TECTA: variants seen among roughly 807,000 people sequenced by gnomAD.
TECTA encodes tectorin alpha, also known as alpha-tectorin.
In TECTA, 128 loss-of-function variants were observed where a neutral mutation model predicts 216.8. The observed-to-expected ratio is 0.59, with a 90% CI of 0.51 to 0.68. TECTA has a LOEUF of 0.68. Among genes scored for constraint, TECTA ranks in the 30% least tolerant of loss-of-function variants. TECTA has a pLI of 0.00. For synonymous variants in TECTA, 1,089 were observed against 1,117.1 expected, an observed-to-expected ratio of 0.97 and a Z score of 0.50; for missense variants, 2,551 against 2,786.2, an observed-to-expected ratio of 0.92 and a Z score of 1.90.
intron 20 of TECTA, among the ~76,000 whole-genome samples, chr11:121,173,905 C>T (rs1211170119): frequency 8.6e-5 from 13 of 151,934 alleles, no homozygotes; most frequent in African/African-American, 2.9e-4. Flanking sequence ...AGGTCCTTCA[C>T]GTCCCTTGTA....
Position 121,166,614 on chromosome 11 carries a change from A to C in TECTA, c.5420A>C (p.Lys1807Thr), listed in dbSNP as rs777254893. Residue 1807 changes from lysine (K) to threonine (T), a missense_variant, in exon 18 of 24, where the codon AAA becomes ACA. This residue lies in a region of TECTA where 2,375 missense variants were observed against 2,563.9 expected (regional missense o/e 0.93). Transcript: ENST00000392793. ...HDIIDAEVTC[K>T]AAQMEVSISK... ...ATTATCGATGCAGAGGTGACCTGCA[A>C]AGCAGCCCAAATGGAAGTGTCCATA... is the stretch of plus-strand genomic sequence containing the variant. The C allele has an allele frequency of 6.2e-7, 1 of 1,614,218 alleles. No individual in the cohort carries two copies. Among genetic ancestry groups the C allele is most frequent in the Non-Finnish European group, 8.5e-7 (1 of 1,180,038 alleles).
intron 7 of TECTA, among the ~76,000 whole-genome samples, chr11:121,119,355 C>T (rs1424105429): frequency 1.3e-5 from 2 of 152,100 alleles, no homozygotes; most frequent in Admixed American, 6.6e-5. Context: ...AGACACCCCT[C>T]GAATAGAGTC....
intron 7 of TECTA, among the ~76,000 whole-genome samples, chr11:121,122,881 G>A (rs1054416635): frequency 2.0e-5 from 3 of 151,970 alleles, no homozygotes; most frequent in African/African-American, 7.3e-5. Context: ...TAGCAGCTTT[G>A]GGTAATTGGT....
chr11:121,159,407 A>G (rs918581534), intron 14 of TECTA, among the ~76,000 whole-genome samples: 2 of 152,228 alleles, frequency 1.3e-5, no homozygotes, highest in African/African-American at 4.8e-5. Context: ...TCAAAACAGT[A>G]GAGACTCATT....
chr11:121,130,554 A>G (rs7108166), intron 10 of TECTA, among the ~76,000 whole-genome samples: 11,660 of 152,216 alleles, frequency 0.077, 494 homozygotes, highest in South Asian at 0.12. Context: ...TTGGCAAAGA[A>G]GAGCCCCATT....
At chr11:121,173,714 C>T (rs1213620346) in intron 20 of TECTA, among the ~76,000 whole-genome samples, 1 of 151,254 alleles carries the variant, frequency 6.6e-6, no homozygotes, top group Non-Finnish European at 1.5e-5. Context: ...TAGTTTTTTC[C>T]AATTCTGTGA....
intron 11 of TECTA, among the ~76,000 whole-genome samples, chr11:121,141,382 G>A (rs1402350209): frequency 6.6e-6 from 1 of 152,126 alleles, no homozygotes; most frequent in Non-Finnish European, 1.5e-5. Context: ...TGCTTCCTTG[G>A]GACACAGGGT....
Position 121,168,126 on chromosome 11 carries a change from A to T in TECTA, c.5659A>T (p.Thr1887Ser). The part of the protein sequence containing the change: ...ESANNTGNII[T>S]RDRTINVEFS... The stretch of plus-strand genomic sequence containing the variant: ...CGCCAACAACACTGGCAACATCATC[A>T]CCAGGGACCGCACGATCAATGTGGA... Residue 1887 changes from threonine to serine, a missense_variant, in exon 19 of 24, where the codon ACC becomes TCC. Thr to Ser is a moderately conservative substitution (Grantham distance 58). Coordinates refer to ENST00000392793, the MANE Select transcript of TECTA (RefSeq NM_005422.4). 6.2e-7 allele frequency: 1 copy of T among 1,614,202 alleles called. No individual in the cohort carries two copies. The highest frequency in any genetic ancestry group is 8.5e-7 in the Non-Finnish European group (1 of 1,180,042).
chr11:121,106,557 T>C (rs566438547), intron 3 of TECTA, among the ~76,000 whole-genome samples: 31 of 152,230 alleles, frequency 2.0e-4, no homozygotes, highest in Non-Finnish European at 4.3e-4. Context: ...GGTTTTTGTT[T>C]TTGGTTTTTT....
rs1055130857 is a variant in TECTA, at chr11:121,145,404, G to C, written c.3544-151G>C. 3.9e-6 allele frequency: 3 copies of C among 777,500 alleles called. No homozygotes were observed. In the African/African-American group the frequency reaches 5.1e-5, roughly 13 times the overall value. 48.2% of individuals were successfully genotyped at this position (777,500 alleles called of 1,614,324 possible). The stretch of plus-strand genomic sequence containing the variant: ...TGTTCAAATCTTAATCATAATAGTT[G>C]ACTGACATAAACAACAGTACATGCA... On this transcript the variant is annotated intron_variant, in intron 11 of 23. Coordinates refer to ENST00000392793, the MANE Select transcript of TECTA (RefSeq NM_005422.4).
At chr11:121,104,165 T>TAAATCCATGCCAGGAA (rs1946370945) in intron 2 of TECTA, among the ~76,000 whole-genome samples, 1 of 152,234 alleles carries the variant, frequency 6.6e-6, no homozygotes, top group Non-Finnish European at 1.5e-5. Context: ...CCATGAAGGA[T>TAAATCCATGCCAGGAA]AAATCCATGC....
intron 12 of TECTA, among the ~76,000 whole-genome samples, chr11:121,149,106 C>T (rs969990336): frequency 2.0e-5 from 3 of 152,246 alleles, no homozygotes; most frequent in Non-Finnish European, 4.4e-5. Context: ...CAGGTAGGTA[C>T]TACTCATAGT....
chr11:121,176,846 C>A (rs1179287650), intron 20 of TECTA, among the ~76,000 whole-genome samples: 2 of 152,128 alleles, frequency 1.3e-5, no homozygotes, highest in Admixed American at 1.3e-4. Flanking sequence ...TCACATAGTC[C>A]CACATTTCTT....
In TECTA at chr11:121,128,276, C is replaced by A. The variant is rs140534420; in HGVS notation, c.2299C>A (p.Arg767=). The part of the protein sequence containing the change: ...KKPDAGPAWL[R]GLRILVADQE... ...GCCCGATGCAGGACCTGCTTGGCTG[C>A]GGGGACTTCGGATCCTGGTGGCCGA... The change falls in exon 9 of 24, where the codon CGG becomes AGG. Residue 767 remains arginine, a synonymous_variant. Transcript: ENST00000392793. 7.4e-5 allele frequency: 118 copies of A among 1,599,780 alleles called. No homozygotes were observed. The African/African-American group carries it at 1.5e-3, about 20-fold the overall frequency.
chr11:121,175,756 T>C (rs549686319), intron 20 of TECTA, among the ~76,000 whole-genome samples: 4 of 152,336 alleles, frequency 2.6e-5, no homozygotes, highest in African/African-American at 7.2e-5. Context: ...TTGTTAACTT[T>C]CTGTCTCGTT....
rs1391665114 is a variant in TECTA at position 121,113,022 on chromosome 11, G to C, written c.487-50G>C. The C allele has an allele frequency of 6.2e-7, 1 of 1,612,604 alleles. No individual in the cohort carries two copies. Among genetic ancestry groups the C allele is most frequent in the Non-Finnish European group, 8.5e-7 (1 of 1,179,640 alleles). On this transcript the variant is annotated intron_variant, in intron 4 of 23. Transcript: ENST00000392793. This position sits in a 1 kb window ranked among gnomAD's most constrained non-coding sequence, Gnocchi z 4.2. ...TGAAGGGAGGACCTCCTTGGGGCCA[G>C]GACCTCCTGGGGAGTGCAAGTCATG... is the stretch of plus-strand genomic sequence containing the variant.
intron 20 of TECTA, among the ~76,000 whole-genome samples, chr11:121,171,602 C>T (rs1184516337): frequency 2.0e-5 from 3 of 151,974 alleles, no homozygotes; most frequent in South Asian, 4.1e-4. Context: ...CTTCCATCAG[C>T]GTTTTGTAAT....
intron 18 of TECTA, among the ~76,000 whole-genome samples, chr11:121,167,234 C>G (rs557772449): frequency 6.6e-6 from 1 of 152,128 alleles, no homozygotes. Context: ...AATTCAAGAC[C>G]GGCCCAGGCA....
chr11:121,119,045 G>T (rs1176981905), intron 7 of TECTA, among the ~76,000 whole-genome samples: 1 of 139,924 alleles, frequency 7.1e-6, no homozygotes, highest in African/African-American at 2.8e-5. Flanking sequence ...ACACAGTTCA[G>T]AAAAACTGGA....
Sources: gnomAD v4.1 joint callset for allele counts (sites outside exome capture counted in the v4.1 genomes callset) on GRCh38, gnomAD v4.1.1 for gene constraint, gnomAD v4.1.1 regional missense constraint, Gnocchi (gnomAD v3.1) non-coding constraint, MANE v1.5 for transcripts, NCBI Gene and HGNC (gene_info 2026-07-23, HGNC 2026-07-21) for gene names.